MAP3K19: variants seen among roughly 807,000 people sequenced by gnomAD.
MAP3K19 encodes the protein mitogen-activated protein kinase kinase kinase 19.
A neutral mutation model predicts 114.4 loss-of-function variants in MAP3K19; 91 were observed. The ratio of observed to expected loss-of-function variants is 0.80; its 90% CI spans 0.67 to 0.95. MAP3K19 has a LOEUF of 0.95. Ranked by LOEUF, MAP3K19 falls within the 40% of genes least tolerant of loss-of-function variation. The pLI is 0.00. For synonymous variants in MAP3K19, 518 were observed against 530.5 expected (o/e 0.98, Z 0.32); for missense variants, 1,471 against 1,573.2 (o/e 0.94, Z 1.10).
chr2:134,996,293 G>A (rs1407290160), intron 8 of MAP3K19, among the ~76,000 whole-genome samples: 2 of 68,278 alleles, frequency 2.9e-5, no homozygotes, highest in Non-Finnish European at 5.9e-5. Flanking sequence ...TTTTTTTTTT[G>A]AGACTTCAAG....
intron 4 of MAP3K19, among the ~76,000 whole-genome samples, chr2:135,022,368 C>T (rs2105372737): frequency 6.6e-6 from 1 of 152,318 alleles, no homozygotes; most frequent in Non-Finnish European, 1.5e-5. Context: ...TTCTCCAGAG[C>T]TGCGCAGAGG....
chr2:135,037,937 T>A (rs183452789), intron 2 of MAP3K19, among the ~76,000 whole-genome samples: 59 of 152,238 alleles, frequency 3.9e-4, no homozygotes, highest in Middle Eastern at 3.4e-3. Flanking sequence ...GATCCAGTAG[T>A]TGTTTCTTCT....
At chr2:134,988,500 C>T (rs764437663) in intron 9 of MAP3K19, among the ~76,000 whole-genome samples, 5 of 152,136 alleles carry the variant, frequency 3.3e-5, no homozygotes, top group Non-Finnish European at 4.4e-5. Flanking sequence ...AAGCGATCCT[C>T]CCACCTCAGC....
chr2:135,025,977 T>C (rs1303330619), intron 3 of MAP3K19, among the ~76,000 whole-genome samples: 11 of 152,214 alleles, frequency 7.2e-5, no homozygotes, highest in Admixed American at 7.2e-4. Context: ...ATGGTCTCTG[T>C]CCTAAAACAT....
intron 9 of MAP3K19, among the ~76,000 whole-genome samples, chr2:134,990,306 G>A (rs1685469252): frequency 6.6e-6 from 1 of 152,160 alleles, no homozygotes; most frequent in South Asian, 2.1e-4. Context: ...TTCCTCCTCT[G>A]CTACCTCTGT....
At position 134,984,719 on chromosome 2, in the gene MAP3K19, G is replaced by A. The variant is rs111896200; in HGVS notation, c.3073-894C>T. Reference sequence around the variant, plus strand: ...TGTAATCCCAGCACTTTGGGAGGCCGAGGAAGGTGGATCGCGAGGTCAGGA... The same window carrying A: ...TGTAATCCCAGCACTTTGGGAGGCCAAGGAAGGTGGATCGCGAGGTCAGGA... On this transcript the variant is annotated intron_variant, in intron 10 of 12. Coordinates refer to ENST00000392915, the MANE Select transcript of MAP3K19 (RefSeq NM_025052.5). Among the ~76,000 whole-genome samples the A allele has an allele frequency of 6.1e-3, 926 of 152,268 alleles. 12 individuals carry two copies. Among genetic ancestry groups the A allele is most frequent in the African/African-American group, 0.021 (879 of 41,558 alleles).
intron 3 of MAP3K19, among the ~76,000 whole-genome samples, chr2:135,029,366 A>ACT (rs60959461): frequency 0.26 from 40,209 of 151,932 alleles, 7,161 homozygotes; most frequent in African/African-American, 0.48. Flanking sequence ...ACAGAGCAAG[A>ACT]CTGTCAAAAA....
chr2:135,013,675 C>A (rs1008899492), intron 5 of MAP3K19, among the ~76,000 whole-genome samples: 12 of 152,090 alleles, frequency 7.9e-5, no homozygotes, highest in African/African-American at 2.9e-4. Context: ...CCTAAATCTT[C>A]CCAACCTACA....
At position 134,994,010 on chromosome 2, in the gene MAP3K19, C is replaced by CA. The variant is rs1182477819; in HGVS notation, c.575-2431dup. ...GGGCAACAGAGCGAGACCCTATCTC[C>CA]AAAAAAGTAAATAAAATAAAATAAG... On this transcript the variant is annotated intron_variant, in intron 8 of 12. Transcript: ENST00000392915. 2.4e-4 allele frequency among the ~76,000 whole-genome samples: 36 copies of CA among 151,382 alleles called. No homozygotes were observed. The East Asian group carries it at 5.6e-3, about 24-fold the overall frequency.
intron 12 of MAP3K19, among the ~76,000 whole-genome samples, chr2:134,969,625 T>A (rs1347138082): frequency 6.6e-6 from 1 of 152,212 alleles, no homozygotes; most frequent in East Asian, 1.9e-4. Context: ...CACACTGTGC[T>A]TTCCTTTACC....
At chr2:134,985,493 T>C (rs1418755619) in intron 10 of MAP3K19, among the ~76,000 whole-genome samples, 1 of 152,250 alleles carries the variant, frequency 6.6e-6, no homozygotes, top group Non-Finnish European at 1.5e-5. Context: ...ATGCTGTTGA[T>C]TGAAAATGTC....
intron 3 of MAP3K19, among the ~76,000 whole-genome samples, chr2:135,028,706 A>G (rs1688311503): frequency 1.3e-5 from 2 of 152,220 alleles, no homozygotes; most frequent in South Asian, 4.1e-4. Context: ...CCGCAGGCCA[A>G]AACACCTAAA....
intron 2 of MAP3K19, among the ~76,000 whole-genome samples, chr2:135,033,490 GCAGA>G (rs1459848998): frequency 8.6e-6 from 1 of 116,612 alleles, no homozygotes; most frequent in Non-Finnish European, 1.7e-5. Flanking sequence ...GGCTGGCCGG[GCAGA>G]GGGGCTCCTC....
At chr2:134,970,980 C>A (rs1038675810) in intron 12 of MAP3K19, among the ~76,000 whole-genome samples, 1 of 152,174 alleles carries the variant, frequency 6.6e-6, no homozygotes, top group Non-Finnish European at 1.5e-5. Context: ...TGAAAGTTGG[C>A]ATCCTTCTCT....
chr2:135,038,289 T>G (rs936084489), intron 2 of MAP3K19, among the ~76,000 whole-genome samples: 1 of 151,890 alleles, frequency 6.6e-6, no homozygotes, highest in African/African-American at 2.4e-5. Context: ...ATGTATATAT[T>G]TGTATGTATA....
chr2:134,986,234 T>C lies in MAP3K19; in HGVS notation c.2638A>G (p.Lys880Glu). The C allele has an allele frequency of 6.2e-7, 1 of 1,614,054 alleles. No individual in the cohort carries two copies. The highest frequency in any genetic ancestry group is 8.5e-7 in the Non-Finnish European group (1 of 1,179,960). ...GTTAAAATTCGGCTGGCATTTACTT[T>C]ACTAAGAGATGCTGTATTCTGCTTT... Reference protein sequence around the residue: ...QEKQNTASLSKVNASRILTND... With the variant: ...QEKQNTASLSEVNASRILTND... Residue 880 changes from lysine (K) to glutamate (E), a missense_variant, in exon 10 of 13, where the codon AAA becomes GAA. By Grantham distance (56) the Lys-to-Glu change is moderately conservative. Transcript: ENST00000392915.
At chr2:134,980,782 C>T (rs371729517) in intron 12 of MAP3K19, 39 bp downstream of exon 12, 16 of 1,566,354 alleles carry the variant, frequency 1.0e-5, no homozygotes, top group East Asian at 4.5e-5. Flanking sequence ...TTGGAATCTC[C>T]GGGCATTTAT....
At chr2:134,997,714 G>C (rs899568483) in intron 8 of MAP3K19, among the ~76,000 whole-genome samples, 3 of 151,510 alleles carry the variant, frequency 2.0e-5, no homozygotes, top group Non-Finnish European at 2.9e-5. Context: ...AGCTACTTGG[G>C]AGGCTGAGGC....
chr2:135,036,637 ATGTGTGTGTGTGTGTGTGTG>A (rs57859657), intron 2 of MAP3K19, among the ~76,000 whole-genome samples: 5 of 140,174 alleles, frequency 3.6e-5, no homozygotes, highest in African/African-American at 1.3e-4. Context: ...GTTCAACATT[ATGTGTGTGTGTGTGTGTGTG>A]TGTGTGTGTG....
Sources: allele counts gnomAD v4.1 joint callset (sites outside exome capture counted in the v4.1 genomes callset), GRCh38; gene constraint gnomAD v4.1.1; transcripts MANE v1.5; gene names NCBI Gene and HGNC (gene_info 2026-07-23, HGNC 2026-07-21).